Variants in SCAI observed in about 807,000 individuals in gnomAD.
SCAI encodes protein SCAI.
In SCAI, 24 loss-of-function variants were observed where a neutral mutation model predicts 92.2. The observed-to-expected ratio is 0.26, with a 90% CI of 0.19 to 0.37. The LOEUF (loss-of-function observed/expected upper bound fraction) is 0.37, where lower values mean the gene tolerates loss of function less well. Ranked by LOEUF, SCAI falls within the 10% of genes least tolerant of loss-of-function variation. The pLI is 1.00. For missense variants in SCAI, 450 were observed against 736.2 expected (o/e 0.61, Z 4.50); for synonymous variants, 261 against 258.6 (o/e 1.01, Z -0.09).
chr9:124,969,364 T>G (rs1460712963), intron 17 of SCAI, among the ~76,000 whole-genome samples: 1 of 152,190 alleles, frequency 6.6e-6, no homozygotes, highest in Non-Finnish European at 1.5e-5. Context: ...AAAAAAAATT[T>G]TCCTTACAGA....
rs1381453527 is a variant in SCAI at position 124,959,487 on chromosome 9, C to CACACATATATATACACATATATATATAT, written c.1675-6535_1675-6534insATATATATATATGTGTATATATATGTGT. 7.8e-3 allele frequency among the ~76,000 whole-genome samples: 1,118 copies of CACACATATATATACACATATATATATAT among 143,346 alleles called. 7 individuals are homozygous for CACACATATATATACACATATATATATAT. The highest frequency in any genetic ancestry group is 0.013 in the South Asian group (61 of 4,678). 94.0% of individuals were successfully genotyped at this position (143,346 alleles called of 152,430 possible). A position where few individuals can be genotyped will look rare whatever the true frequency, so the allele number is the denominator to read the frequency against. ...TCATATATATATATATATATATACA[C>CACACATATATATACACATATATATATAT]ACACACATATATATACACATATATA... On this transcript the variant is annotated intron_variant, in intron 17 of 17. Coordinates refer to ENST00000336505, the MANE Select transcript of SCAI (RefSeq NM_001144877.3).
Position 125,003,507 on chromosome 9 carries a change from T to C in SCAI, c.925A>G (p.Met309Val), listed in dbSNP as rs758352624. 3.7e-6 allele frequency: 6 copies of C among 1,613,476 alleles called. No homozygotes were observed. In the East Asian group the frequency reaches 6.7e-5, roughly 18 times the overall value. The change falls in exon 10 of 18, where the codon ATG becomes GTG. Residue 309 changes from methionine to valine, a missense_variant. By Grantham distance (21) the Met-to-Val change is conservative. Transcript: ENST00000336505. ...TTATTCATCTGGGAAGCTAAATTCATTGGCTCCCTTTCCAGAGCTTGTAAC... is the reference window on the plus strand; with the variant it reads ...TTATTCATCTGGGAAGCTAAATTCACTGGCTCCCTTTCCAGAGCTTGTAAC... ...RMLQALEREPMNLASQMNKPG... is the reference protein window; with the variant it reads ...RMLQALEREPVNLASQMNKPG...
chr9:124,998,608 A>ATATGT, intron 13 of SCAI, among the ~76,000 whole-genome samples: 1 of 152,142 alleles, frequency 6.6e-6, no homozygotes, highest in East Asian at 1.9e-4. Context: ...ATAGTTAATA[A>ATATGT]TATGTTATAT....
chr9:125,014,954 G>T (rs1174454491), intron 9 of SCAI, among the ~76,000 whole-genome samples: 1 of 152,152 alleles, frequency 6.6e-6, no homozygotes, highest in Non-Finnish European at 1.5e-5. Context: ...TTTAATAAAT[G>T]GTGCTGGGAA....
chr9:125,052,204 T>C (rs982540095), intron 3 of SCAI, among the ~76,000 whole-genome samples: 3 of 152,088 alleles, frequency 2.0e-5, no homozygotes, highest in Non-Finnish European at 4.4e-5. Context: ...GTACAAGCAA[T>C]GAAAGAAAAG....
At chr9:125,114,024 T>G in intron 2 of SCAI, among the ~76,000 whole-genome samples, 1 of 152,210 alleles carries the variant, frequency 6.6e-6, no homozygotes, top group Non-Finnish European at 1.5e-5. Context: ...CTATGATTAA[T>G]ATTCCAAGGC....
chr9:125,127,618 T>C (rs1280215259), intron 2 of SCAI, among the ~76,000 whole-genome samples: 2 of 152,196 alleles, frequency 1.3e-5, no homozygotes, highest in East Asian at 1.9e-4. Context: ...GATTCATATG[T>C]GCTATACAGT....
In SCAI at chr9:125,116,002, C is replaced by T. The variant is rs568336763; in HGVS notation, c.98+26631G>A. ...CTGAGGTCAGGAGTTCGAGACCAGC[C>T]TGGCCAACATCGTGAAATCCCATCT... On this transcript the variant is annotated intron_variant, in intron 2 of 17. Coordinates refer to ENST00000336505, the MANE Select transcript of SCAI (RefSeq NM_001144877.3). Among the ~76,000 whole-genome samples the T allele has an allele frequency of 2.0e-5, 3 of 152,288 alleles. No homozygotes were observed. In the South Asian group the frequency reaches 6.2e-4, roughly 32 times the overall value.
chr9:125,002,488 G>T (rs372674844), intron 11 of SCAI, among the ~76,000 whole-genome samples: 49 of 125,082 alleles, frequency 3.9e-4, no homozygotes, highest in Admixed American at 1.1e-3. Flanking sequence ...TTTTTAGTCT[G>T]TTTTTTTTTT....
At chr9:125,133,801 G>A (rs1201450637) in intron 2 of SCAI, among the ~76,000 whole-genome samples, 1 of 152,162 alleles carries the variant, frequency 6.6e-6, no homozygotes, top group Non-Finnish European at 1.5e-5. Flanking sequence ...GGAAGGGCTA[G>A]GATTCAAACT....
chr9:125,017,806 C>G (rs1832791553), intron 9 of SCAI, among the ~76,000 whole-genome samples: 1 of 151,958 alleles, frequency 6.6e-6, no homozygotes, highest in African/African-American at 2.4e-5. Flanking sequence ...GTCAGGAGTT[C>G]AAGACCAGCC....
intron 17 of SCAI, among the ~76,000 whole-genome samples, chr9:124,964,680 G>A (rs1831504823): frequency 6.6e-6 from 1 of 152,164 alleles, no homozygotes; most frequent in African/African-American, 2.4e-5. Context: ...AGAATTAATG[G>A]GGTTCTGGAC....
chr9:125,047,500 G>C (rs1833468647), intron 3 of SCAI, among the ~76,000 whole-genome samples: 1 of 152,178 alleles, frequency 6.6e-6, no homozygotes, highest in South Asian at 2.1e-4. Flanking sequence ...GGTGGTTGGA[G>C]ACAAATTACC....
rs568305507 is a variant in SCAI, at chr9:124,969,668, G to A, written c.1674+1702C>T. On this transcript the variant is annotated intron_variant, in intron 17 of 17. Transcript: ENST00000336505. ...TTGGAAAGGAAGGATTACAGAAATAGCAACTCTTATATCCTGCTGGTATAA... is the reference window on the plus strand; with the variant it reads ...TTGGAAAGGAAGGATTACAGAAATAACAACTCTTATATCCTGCTGGTATAA... 7.9e-5 allele frequency among the ~76,000 whole-genome samples: 12 copies of A among 152,320 alleles called. No homozygotes were observed. The South Asian group carries it at 2.5e-3, about 32-fold the overall frequency.
intron 3 of SCAI, among the ~76,000 whole-genome samples, chr9:125,032,195 A>ATATATTTTTTTT (rs1177865840): frequency 3.5e-4 from 35 of 99,444 alleles, no homozygotes; most frequent in East Asian, 1.6e-3. Flanking sequence ...ATATATATAT[A>ATATATTTTTTTT]TTTTTTTTTT....
intron 14 of SCAI, among the ~76,000 whole-genome samples, chr9:124,980,460 T>A (rs941899087): frequency 4.6e-5 from 7 of 152,154 alleles, no homozygotes; most frequent in Non-Finnish European, 7.3e-5. Context: ...TTAGCAGAAC[T>A]GATAAAGAGT....
chr9:125,120,648 G>A (rs903332776), intron 2 of SCAI, among the ~76,000 whole-genome samples: 21 of 151,908 alleles, frequency 1.4e-4, no homozygotes, highest in Non-Finnish European at 3.1e-4. Context: ...AACTGAGATC[G>A]CACCACTGCA....
chr9:125,125,909 T>TACACACACACACACACACACACAC, intron 2 of SCAI, among the ~76,000 whole-genome samples: 1 of 137,910 alleles, frequency 7.3e-6, no homozygotes, highest in Non-Finnish European at 1.6e-5. Context: ...TGCGTACACG[T>TACACACACACACACACACACACAC]ACACACACAC....
chr9:125,005,306 A>G (rs1481031754), intron 9 of SCAI, among the ~76,000 whole-genome samples: 1 of 152,156 alleles, frequency 6.6e-6, no homozygotes, highest in East Asian at 1.9e-4. Context: ...ATTACTAACT[A>G]CACTTTCAAA....
Sources: gnomAD v4.1 joint callset for allele counts (sites outside exome capture counted in the v4.1 genomes callset) on GRCh38, gnomAD v4.1.1 for gene constraint, MANE v1.5 for transcripts, NCBI Gene and HGNC (gene_info 2026-07-23, HGNC 2026-07-21) for gene names.